The following SAMD5 variants were observed in gnomAD, a reference collection of about 807,000 sequenced individuals.
The protein encoded by SAMD5 is sterile alpha motif domain containing 5.
A neutral mutation model predicts 11.3 loss-of-function variants in SAMD5; 13 were observed. The observed-to-expected ratio is 1.15, with a 90% confidence interval of 0.75 to 1.83. The LOEUF is 1.83. Ranked by LOEUF, SAMD5 falls within the 40% of genes most tolerant of loss-of-function variation. The pLI is 0.00. For missense variants in SAMD5, 255 were observed against 239.1 expected (o/e 1.07, Z -0.44); for synonymous variants, 129 against 111.3 (o/e 1.16, Z -1.00).
At chr6:147,844,018 T>C in the SAMD5 span, among the ~76,000 whole-genome samples, 1 of 152,084 alleles carries the variant, frequency 6.6e-6, no homozygotes, top group Admixed American at 6.6e-5. Flanking sequence ...AAAAAGCTTC[T>C]ATACAGGAAA....
chr6:147,720,307 C>CA (rs1243718705), intron 1 of SAMD5, among the ~76,000 whole-genome samples: 2 of 152,076 alleles, frequency 1.3e-5, no homozygotes, highest in Non-Finnish European at 2.9e-5. Context: ...TGAAAAAATA[C>CA]AAAAAATTAG....
chr6:147,901,873 G>C, the SAMD5 span, among the ~76,000 whole-genome samples: 1 of 152,100 alleles, frequency 6.6e-6, no homozygotes, highest in Non-Finnish European at 1.5e-5. Flanking sequence ...CAATATCCCT[G>C]TTCCACTTCC....
the SAMD5 span, among the ~76,000 whole-genome samples, chr6:147,859,246 T>C: frequency 6.6e-6 from 1 of 152,170 alleles, no homozygotes. Flanking sequence ...ATTTACTATA[T>C]AGCCTGTCAA....
chr6:147,931,815 T>C, the SAMD5 span, among the ~76,000 whole-genome samples: 2 of 152,226 alleles, frequency 1.3e-5, no homozygotes, highest in Admixed American at 6.5e-5. Context: ...AGGAGGATGT[T>C]TGAAACATCT....
the SAMD5 span, among the ~76,000 whole-genome samples, chr6:147,887,752 T>A: frequency 6.6e-6 from 1 of 152,340 alleles, no homozygotes; most frequent in African/African-American, 2.4e-5. Flanking sequence ...AATATCAAAC[T>A]GTTTTTCAAA....
the SAMD5 span, among the ~76,000 whole-genome samples, chr6:147,907,414 A>C: frequency 6.6e-6 from 1 of 151,096 alleles, no homozygotes; most frequent in Non-Finnish European, 1.5e-5. Context: ...CCATATTATT[A>C]GGTTGGTACA....
intron 1 of SAMD5, among the ~76,000 whole-genome samples, chr6:147,609,137 G>A (rs1365861451): frequency 6.6e-6 from 1 of 152,004 alleles, no homozygotes; most frequent in Non-Finnish European, 1.5e-5. Context: ...CTAACCCTCA[G>A]TACCTCCAAA....
At chr6:147,516,946 C>T (rs1263503560) in intron 1 of SAMD5, among the ~76,000 whole-genome samples, 1 of 152,148 alleles carries the variant, frequency 6.6e-6, no homozygotes, top group East Asian at 1.9e-4. Flanking sequence ...ATTATGTGTC[C>T]TTCTTGGTTG....
At chr6:147,946,114 A>G in the SAMD5 span, among the ~76,000 whole-genome samples, 1 of 152,126 alleles carries the variant, frequency 6.6e-6, no homozygotes, top group Non-Finnish European at 1.5e-5. Context: ...TACTCATATC[A>G]TATACAACCT....
chr6:147,639,542 A>G (rs1457136859), intron 1 of SAMD5, among the ~76,000 whole-genome samples: 1 of 152,152 alleles, frequency 6.6e-6, no homozygotes, highest in Non-Finnish European at 1.5e-5. Flanking sequence ...TTCACTCCCA[A>G]GGGGTGGGTG....
the SAMD5 span, among the ~76,000 whole-genome samples, chr6:147,827,280 GCAC>G: frequency 6.6e-6 from 1 of 151,668 alleles, no homozygotes; most frequent in African/African-American, 2.4e-5. Context: ...CTTGTTCGTT[GCAC>G]ACACATATAC....
At chr6:147,709,320 C>G (rs1441570137) in intron 1 of SAMD5, among the ~76,000 whole-genome samples, 1 of 152,202 alleles carries the variant, frequency 6.6e-6, no homozygotes, top group African/African-American at 2.4e-5. Context: ...CCTTCAGCTA[C>G]TTTGATGCAA....
chr6:147,640,533 CA>C (rs1049951969), intron 1 of SAMD5, among the ~76,000 whole-genome samples: 2 of 94,640 alleles, frequency 2.1e-5, no homozygotes, highest in African/African-American at 6.8e-5. Context: ...GAATAACAGA[CA>C]TAAAATTAAG....
At chr6:147,838,514 G>A in the SAMD5 span, among the ~76,000 whole-genome samples, 1 of 148,068 alleles carries the variant, frequency 6.8e-6, no homozygotes, top group Non-Finnish European at 1.5e-5. Flanking sequence ...AAACACACTA[G>A]GAACTAAGAA....
intron 1 of SAMD5, among the ~76,000 whole-genome samples, chr6:147,732,983 A>G (rs1039904505): frequency 6.6e-6 from 1 of 152,252 alleles, no homozygotes; most frequent in Non-Finnish European, 1.5e-5. Flanking sequence ...CCTTCATTTA[A>G]GAAGGGACTG....
downstream of SAMD5, chr6:147,741,701 G>A (rs1194732227): frequency 1.3e-5 from 2 of 152,188 alleles, no homozygotes; most frequent in Non-Finnish European, 2.9e-5. Context: ...GAAAGTGGTT[G>A]AGTAAGAACC....
chr6:147,567,168 T>A lies in SAMD5; in HGVS notation c.*2712T>A, dbSNP rs1423211870. 1 of 985,176 alleles carries A rather than the reference T, an allele frequency of 1.0e-6. No individual in the cohort carries two copies. Among genetic ancestry groups the A allele is most frequent in the African/African-American group, 1.7e-5 (1 of 57,236 alleles). 61.0% of individuals were successfully genotyped at this position (985,176 alleles called of 1,614,324 possible). Reference sequence around the variant, plus strand: ...AAAAGATTTTATTCACATAAAAGATTTCTTGGCATAGGGAAGGCGTAATGT... The same window carrying A: ...AAAAGATTTTATTCACATAAAAGATATCTTGGCATAGGGAAGGCGTAATGT... On this transcript the variant is annotated 3_prime_UTR_variant, in exon 2 of 2. Coordinates refer to ENST00000367474, the MANE Select transcript of SAMD5 (RefSeq NM_001030060.3).
At chr6:147,669,578 C>T (rs1284866572) in intron 1 of SAMD5, among the ~76,000 whole-genome samples, 1 of 151,948 alleles carries the variant, frequency 6.6e-6, no homozygotes, top group African/African-American at 2.4e-5. Flanking sequence ...CAGGTGTGCA[C>T]CACCACACCC....
the SAMD5 span, among the ~76,000 whole-genome samples, chr6:147,869,165 T>A: frequency 1.3e-5 from 2 of 152,222 alleles, no homozygotes; most frequent in Non-Finnish European, 2.9e-5. Context: ...AAGAATAATA[T>A]GTGAATCAGT....
Sources: gnomAD v4.1 joint callset for allele counts (sites outside exome capture counted in the v4.1 genomes callset) on GRCh38, gnomAD v4.1.1 for gene constraint, MANE v1.5 for transcripts, NCBI Gene and HGNC (gene_info 2026-07-23, HGNC 2026-07-21) for gene names.